ZNF701: variants seen among roughly 807,000 people sequenced by gnomAD.
ZNF701 encodes zinc finger protein 701.
A neutral mutation model predicts 7.1 loss-of-function variants in ZNF701; 6 were observed. That is an observed-to-expected ratio of 0.84 (90% CI 0.46 to 1.66). The LOEUF (loss-of-function observed/expected upper bound fraction) is 1.66, where lower values mean the gene tolerates loss of function less well. Among genes scored for constraint, ZNF701 ranks in the 40% most tolerant of loss-of-function variants. The probability of loss-of-function intolerance (pLI) is 0.01; values close to 1 mark genes in which losing one functional copy is unlikely to be tolerated. For synonymous variants in ZNF701, 166 were observed against 188.2 expected, an observed-to-expected ratio of 0.88 and a Z score of 0.97; for missense variants, 541 against 559.2, an observed-to-expected ratio of 0.97 and a Z score of 0.33.
chr19:52,573,233 A>G (rs1246911653), intron 1 of ZNF701: 1 of 153,484 alleles, frequency 6.5e-6, no homozygotes, highest in East Asian at 1.9e-4. Flanking sequence ...ATACTCTGCT[A>G]ATTTTTGTAT....
chr19:52,597,259 A>C, the ZNF701 span: 1 of 548,628 alleles, frequency 1.8e-6, no homozygotes, highest in Non-Finnish European at 3.7e-6. Context: ...AAACCTCACA[A>C]GTGTGATGAT....
At chr19:52,570,745 C>G (rs2059892360) in intron 1 of ZNF701, 1 of 152,326 alleles carries the variant, frequency 6.6e-6, no homozygotes, top group Non-Finnish European at 1.5e-5. Flanking sequence ...GTGCTGGGAT[C>G]TTGTGGACCC....
chr19:52,594,073 T>C, the ZNF701 span: 179 of 127,612 alleles, frequency 1.4e-3, 57 homozygotes, highest in Middle Eastern at 0.02. Context: ...CCCGGCACCT[T>C]GGGAGGCCGA....
rs571493109 is a variant in ZNF701, at chr19:52,582,874, G to A, written c.815G>A (p.Cys272Tyr). The change falls in exon 4 of 4, where the codon TGT (cysteine) becomes TAT (tyrosine). Residue 272 changes from cysteine (C) to tyrosine (Y), a missense_variant. Physicochemically the swap from Cys to Tyr is radical, Grantham distance 194. Transcript: ENST00000391785. ...CACACTGGTGAGAATCCTTACACGT[G>A]TAATGAGTGTGGCAAGACATTCAGT... ...RCHTGENPYT[C>Y]NECGKTFSHN... 3 of 1,613,192 alleles carry A rather than the reference G, an allele frequency of 1.9e-6. No homozygotes were observed. Among genetic ancestry groups the A allele is most frequent in the Non-Finnish European group, 2.5e-6 (3 of 1,179,302 alleles).
downstream of ZNF701, among the ~76,000 whole-genome samples, chr19:52,590,019 C>T (rs772829115): frequency 1.6e-4 from 24 of 152,162 alleles, no homozygotes; most frequent in Non-Finnish European, 3.2e-4. Context: ...GTCTCGATCT[C>T]CCGACCTCAG....
At chr19:52,580,393 G>T (rs977654030) in intron 3 of ZNF701, among the ~76,000 whole-genome samples, 1 of 151,780 alleles carries the variant, frequency 6.6e-6, no homozygotes, top group African/African-American at 2.4e-5. Context: ...CCCAGCTAAT[G>T]TTTTTGTATT....
the ZNF701 span, among the ~76,000 whole-genome samples, chr19:52,594,507 T>TTG: frequency 3.4e-4 from 42 of 123,216 alleles, no homozygotes; most frequent in Admixed American, 1.1e-3. Context: ...TGTTCTGTTT[T>TTG]TTTTGTTTTT....
At chr19:52,592,365 CTCA>C in the ZNF701 span, 1 of 980,294 alleles carries the variant, frequency 1.0e-6, no homozygotes, top group Non-Finnish European at 1.5e-6. Flanking sequence ...AGTGATGACC[CTCA>C]TATTTGTCAT....
At chr19:52,571,484 G>A (rs2059899600) in intron 1 of ZNF701, among the ~76,000 whole-genome samples, 1 of 152,124 alleles carries the variant, frequency 6.6e-6, no homozygotes, top group South Asian at 2.1e-4. Flanking sequence ...GGGAGAAGGA[G>A]CAACAAGAGA....
the ZNF701 span, chr19:52,597,183 G>C: frequency 1.7e-6 from 1 of 582,328 alleles, no homozygotes; most frequent in South Asian, 1.4e-5. Flanking sequence ...CAAATATCAT[G>C]ACTGTGGCAA....
intron 1 of ZNF701, chr19:52,572,527 G>A: frequency 3.2e-6 from 2 of 629,294 alleles, no homozygotes; most frequent in Non-Finnish European, 4.7e-6. Flanking sequence ...TTCAAGGATA[G>A]TTTTGATAAG....
intron 3 of ZNF701, among the ~76,000 whole-genome samples, chr19:52,578,281 A>G (rs999481093): frequency 2.7e-5 from 4 of 149,194 alleles, no homozygotes; most frequent in Non-Finnish European, 5.9e-5. Context: ...AAAAAAAAGA[A>G]GTGTATAGAA....
the ZNF701 span, chr19:52,597,008 A>C: frequency 8.5e-7 from 1 of 1,181,462 alleles, no homozygotes; most frequent in East Asian, 2.8e-5. Context: ...AACTTTGCAA[A>C]TGTAATGATT....
At chr19:52,576,474 A>G (rs1203552193) in intron 3 of ZNF701, among the ~76,000 whole-genome samples, 1 of 152,062 alleles carries the variant, frequency 6.6e-6, no homozygotes, top group Non-Finnish European at 1.5e-5. Context: ...CCGGCAGGCC[A>G]AGGTTCCAGT....
downstream of ZNF701, chr19:52,592,046 G>C: frequency 1.5e-6 from 1 of 673,624 alleles, no homozygotes; most frequent in Non-Finnish European, 2.6e-6. Context: ...CATTTCATGT[G>C]AAGGTGATGA....
downstream of ZNF701, among the ~76,000 whole-genome samples, chr19:52,589,940 C>T (rs2868496): frequency 0.075 from 11,443 of 151,862 alleles, 479 homozygotes; most frequent in African/African-American, 0.11. Flanking sequence ...ATTACAAGTG[C>T]GCACCACTAC....
Position 52,574,173 on chromosome 19 carries a change from AT to A in ZNF701, c.15+13del, listed in dbSNP as rs1422838561. 1 of 1,608,024 alleles carries A rather than the reference AT, an allele frequency of 6.2e-7. No homozygotes were observed. Among genetic ancestry groups the A allele is most frequent in the Admixed American group, 1.7e-5 (1 of 59,926 alleles). ...ATGGCTCTTCTTCAGGTGAGATGAT[AT>A]TCTCGGGGGATTGTTCTGTCTCCTT... On this transcript the variant is annotated intron_variant, in intron 2 of 3. Coordinates refer to ENST00000391785, the MANE Select transcript of ZNF701 (RefSeq NM_018260.3).
chr19:52,599,153 G>A, the ZNF701 span, among the ~76,000 whole-genome samples: 2 of 151,004 alleles, frequency 1.3e-5, no homozygotes, highest in East Asian at 3.9e-4. Context: ...TCAGCTTCCC[G>A]AGTAGCTGGG....
downstream of ZNF701, chr19:52,591,924 A>C: frequency 2.7e-6 from 1 of 370,274 alleles, no homozygotes; most frequent in Middle Eastern, 7.7e-4. Context: ...AAATCTATCA[A>C]GGAAAAGTGC....
Sources: allele counts gnomAD v4.1 joint callset (sites outside exome capture counted in the v4.1 genomes callset), GRCh38; gene constraint gnomAD v4.1.1; transcripts MANE v1.5; gene names NCBI Gene and HGNC (gene_info 2026-07-23, HGNC 2026-07-21).